Variants in UBE4B observed in about 807,000 individuals in gnomAD.
UBE4B encodes the protein ubiquitination factor E4B.
Under a neutral mutation model 148.1 loss-of-function variants are expected in UBE4B, and 27 were observed. The ratio of observed to expected loss-of-function variants is 0.18; its 90% CI spans 0.13 to 0.25. The LOEUF (loss-of-function observed/expected upper bound fraction) is 0.25, where lower values mean the gene tolerates loss of function less well. Ranked by LOEUF, UBE4B falls within the 10% of genes least tolerant of loss-of-function variation. The pLI is 1.00. For synonymous variants in UBE4B, 596 were observed against 619.3 expected (o/e 0.96, Z 0.56); for missense variants, 1,170 against 1,662.4 (o/e 0.70, Z 5.15).
chr1:10,172,871 G>A (rs771640318), intron 25 of UBE4B, among the ~76,000 whole-genome samples: 10 of 152,014 alleles, frequency 6.6e-5, no homozygotes, highest in Non-Finnish European at 1.2e-4. Flanking sequence ...TTATAATACC[G>A]TATTTTCACT....
chr1:10,080,654 A>G (rs1306605465), intron 2 of UBE4B, among the ~76,000 whole-genome samples: 1 of 152,210 alleles, frequency 6.6e-6, no homozygotes, highest in Non-Finnish European at 1.5e-5. Flanking sequence ...TATGGAAGCA[A>G]CCTAAATAAT....
intron 2 of UBE4B, among the ~76,000 whole-genome samples, chr1:10,073,743 A>G (rs1383423718): frequency 6.6e-6 from 1 of 151,930 alleles, no homozygotes; most frequent in Non-Finnish European, 1.5e-5. Context: ...CAACAACAAC[A>G]ACATCAAATT....
At chr1:10,075,781 G>T (rs1644566528) in intron 2 of UBE4B, among the ~76,000 whole-genome samples, 1 of 152,206 alleles carries the variant, frequency 6.6e-6, no homozygotes. Context: ...GCCAGGTGCA[G>T]TGGCTCATGC....
chr1:10,155,452 G>T (rs1646053621), intron 21 of UBE4B, among the ~76,000 whole-genome samples: 4 of 152,190 alleles, frequency 2.6e-5, no homozygotes, highest in Admixed American at 2.6e-4. Context: ...GCTAGCAAGT[G>T]GCAGCAACCT....
Position 10,161,714 on chromosome 1 carries a change from G to A in UBE4B, c.3198+428G>A, listed in dbSNP as rs1214971015. Among the ~76,000 whole-genome samples, 2 of 152,090 alleles carry A rather than the reference G, an allele frequency of 1.3e-5. No individual in the cohort carries two copies. The highest frequency in any genetic ancestry group is 4.8e-5 in the African/African-American group (2 of 41,396). ...CTGGCGGGGTGTTTTTTCCCTTTCA[G>A]TTGATCTTGGGTTTTATATTCAGTT... On this transcript the variant is annotated intron_variant, in intron 23 of 27. Coordinates refer to ENST00000343090, the MANE Select transcript of UBE4B (RefSeq NM_001105562.3). The surrounding 1 kb of genome is among the most constrained non-coding windows in gnomAD (Gnocchi z 4.1).
intron 2 of UBE4B, among the ~76,000 whole-genome samples, chr1:10,081,536 T>C (rs943347928): frequency 6.6e-6 from 1 of 150,432 alleles, no homozygotes; most frequent in African/African-American, 2.4e-5. Context: ...GTGATCCTTT[T>C]ACCTCAGCCT....
chr1:10,095,299 A>C (rs1029317810), intron 2 of UBE4B, among the ~76,000 whole-genome samples, 162 bp from the exon 3 acceptor site: 1 of 149,272 alleles, frequency 6.7e-6, no homozygotes, highest in Non-Finnish European at 1.5e-5. Context: ...CTATGATTTT[A>C]TTATTGTTTC....
intron 1 of UBE4B, among the ~76,000 whole-genome samples, chr1:10,037,177 G>A (rs1355527192): frequency 1.2e-4 from 18 of 152,058 alleles, no homozygotes; most frequent in Admixed American, 5.2e-4. Flanking sequence ...ACAGGCATGC[G>A]CCACCATACC....
intron 9 of UBE4B, among the ~76,000 whole-genome samples, chr1:10,121,298 T>C (rs1303631500): frequency 6.6e-6 from 1 of 152,062 alleles, no homozygotes. Flanking sequence ...GAGGTTGCAG[T>C]GAGCCGAAAT....
chr1:10,175,452 C>G (rs537512140), intron 25 of UBE4B, among the ~76,000 whole-genome samples: 1 of 151,378 alleles, frequency 6.6e-6, no homozygotes, highest in Non-Finnish European at 1.5e-5. Context: ...GAGATCGAGA[C>G]CGTCCTGGCT....
chr1:10,144,462 G>A (rs753503629), intron 17 of UBE4B, among the ~76,000 whole-genome samples: 1 of 151,998 alleles, frequency 6.6e-6, no homozygotes, highest in Non-Finnish European at 1.5e-5. Flanking sequence ...ATGGCCCGAC[G>A]CAGTGGCTCA....
chr1:10,114,341 A>G (rs1167074365), intron 7 of UBE4B, among the ~76,000 whole-genome samples: 1 of 152,192 alleles, frequency 6.6e-6, no homozygotes, highest in African/African-American at 2.4e-5. Context: ...GAGGGATCGC[A>G]GGTCTTGAAA....
chr1:10,142,499 C>T (rs1231513939), intron 17 of UBE4B, among the ~76,000 whole-genome samples: 2 of 148,260 alleles, frequency 1.3e-5, no homozygotes, highest in African/African-American at 2.5e-5. Flanking sequence ...GGTGAAACCT[C>T]GTCACTACTA....
chr1:10,092,696 C>T (rs529265314), intron 2 of UBE4B, among the ~76,000 whole-genome samples: 34 of 152,100 alleles, frequency 2.2e-4, no homozygotes, highest in African/African-American at 7.2e-4. Flanking sequence ...GGCATGGTGG[C>T]GCATGCCTGT....
In UBE4B at chr1:10,050,063, T is replaced by C. The variant is rs949924144; in HGVS notation, c.24+16369T>C. Among the ~76,000 whole-genome samples the C allele has an allele frequency of 1.1e-4, 16 of 152,298 alleles. 1 individual carries two copies. Among genetic ancestry groups the C allele is most frequent in the Admixed American group, 1.0e-3 (16 of 15,282 alleles). ...GCAAATATGGGATATTGGTAGCTGC[T>C]TGCTGATCTGAAAGGCTGGTTTTTT... On this transcript the variant is annotated intron_variant, in intron 1 of 27. Coordinates refer to ENST00000343090, the MANE Select transcript of UBE4B (RefSeq NM_001105562.3).
chr1:10,133,138 C>T (rs1449973985), intron 15 of UBE4B, among the ~76,000 whole-genome samples: 3 of 152,118 alleles, frequency 2.0e-5, no homozygotes, highest in African/African-American at 4.8e-5. Context: ...TGCTTCGGTC[C>T]GGGTGAGACA....
At chr1:10,179,865 G>A (rs756774255) in intron 27 of UBE4B, 30 bp from the exon 28 acceptor site, 1 of 1,611,818 alleles carries the variant, frequency 6.2e-7, no homozygotes, top group Non-Finnish European at 8.5e-7. Context: ...CCCATCTGGG[G>A]CATTAATCCT....
intron 1 of UBE4B, among the ~76,000 whole-genome samples, chr1:10,045,073 C>G (rs1011291072): frequency 3.9e-5 from 6 of 152,144 alleles, no homozygotes; most frequent in African/African-American, 1.4e-4. Flanking sequence ...ATGTAGATCC[C>G]TCGCGTGCAG....
intron 19 of UBE4B, among the ~76,000 whole-genome samples, chr1:10,148,081 G>T (rs1159164808): frequency 6.6e-6 from 1 of 152,016 alleles, no homozygotes; most frequent in Non-Finnish European, 1.5e-5. Context: ...CAAAAAATTA[G>T]CTGGGCGCTG....
Sources: gnomAD v4.1 joint callset for allele counts (sites outside exome capture counted in the v4.1 genomes callset) on GRCh38, gnomAD v4.1.1 for gene constraint, Gnocchi (gnomAD v3.1) non-coding constraint, MANE v1.5 for transcripts, NCBI Gene and HGNC (gene_info 2026-07-23, HGNC 2026-07-21) for gene names.